Variants in DCT observed in about 807,000 individuals in gnomAD.
The protein encoded by DCT is L-dopachrome tautomerase.
In DCT, 47 loss-of-function variants were observed where a neutral mutation model predicts 53.0. That is an observed-to-expected ratio of 0.89 (90% CI 0.70 to 1.13). The LOEUF (loss-of-function observed/expected upper bound fraction) is 1.13. Ranked by LOEUF, DCT falls within the 50% of genes most tolerant of loss-of-function variation. The pLI is 0.00. For synonymous variants in DCT, 244 were observed against 237.0 expected, an observed-to-expected ratio of 1.03 and a Z score of -0.27; for missense variants, 669 against 637.4, an observed-to-expected ratio of 1.05 and a Z score of -0.53.
At chr13:94,498,703 G>A in the DCT span, among the ~76,000 whole-genome samples, 1,868 of 152,316 alleles carry the variant, frequency 0.012, 43 homozygotes, top group African/African-American at 0.042. Flanking sequence ...GAAGCCAACT[G>A]GACTTCCTGG....
intron 6 of DCT, among the ~76,000 whole-genome samples, chr13:94,446,219 T>G (rs546874370): frequency 9.2e-5 from 14 of 152,306 alleles, no homozygotes; most frequent in Non-Finnish European, 1.5e-4. Context: ...GTAGGGAAGA[T>G]AATATATATT....
In DCT at chr13:94,460,111, C is replaced by A. The variant is rs376196399; in HGVS notation, c.1159G>T (p.Ala387Ser). The A allele has an allele frequency of 1.2e-6, 2 of 1,613,786 alleles. No individual in the cohort carries two copies. The highest frequency in any genetic ancestry group is 1.3e-5 in the African/African-American group (1 of 74,894). ...CATACCACAAAAATGGGATCATTGGCGGCTGAATGTGGCAAAGCGTTTGTC... is the reference window on the plus strand; with the variant it reads ...CATACCACAAAAATGGGATCATTGGAGGCTGAATGTGGCAAAGCGTTTGTC... Reference protein sequence around the residue: ...NGTNALPHSAANDPIFVVLHS... With the variant: ...NGTNALPHSASNDPIFVVLHS... Residue 387 changes from alanine to serine, a missense_variant, in exon 6 of 8, where the codon GCC becomes TCC. Ala to Ser is a moderately conservative substitution (Grantham distance 99). Coordinates refer to ENST00000377028, the MANE Select transcript of DCT (RefSeq NM_001922.5).
chr13:94,481,791 C>T (rs185742860), upstream of DCT, among the ~76,000 whole-genome samples: 3 of 152,318 alleles, frequency 2.0e-5, no homozygotes, highest in East Asian at 5.8e-4. Context: ...AGAACTTTTG[C>T]TCTCTCCTCC....
chr13:94,510,395 C>A, the DCT span, among the ~76,000 whole-genome samples: 98 of 139,316 alleles, frequency 7.0e-4, 1 homozygote, highest in Admixed American at 1.3e-3. Context: ...CCACATAAGA[C>A]AATTAAGCAC....
chr13:94,446,327 G>T (rs1454778334), intron 6 of DCT, among the ~76,000 whole-genome samples: 2 of 152,078 alleles, frequency 1.3e-5, no homozygotes, highest in Admixed American at 6.6e-5. Context: ...TTTTAACTTG[G>T]GACAAGGACT....
Position 94,465,752 on chromosome 13 carries a change from G to A in DCT, c.744C>T (p.Ala248=). The A allele has an allele frequency of 6.2e-7, 1 of 1,612,318 alleles. No homozygotes were observed. The highest frequency in any genetic ancestry group is 8.5e-7 in the Non-Finnish European group (1 of 1,179,256). ...ACACATCACACTCGTTCCTCCCAGTGGCAAAGTTCCAGTAGGGCAAAGCAA... is the reference window on the plus strand; with the variant it reads ...ACACATCACACTCGTTCCTCCCAGTAGCAAAGTTCCAGTAGGGCAAAGCAA... ...ESFALPYWNF[A]TGRNECDVCT... is the part of the protein sequence containing the mutation. The change falls in exon 4 of 8, where the codon GCC becomes GCT. Residue 248 remains alanine (A), a synonymous_variant. Coordinates refer to ENST00000377028, the MANE Select transcript of DCT (RefSeq NM_001922.5).
At position 94,462,003 on chromosome 13, in the gene DCT, C is replaced by A; in HGVS notation, c.1043+7G>T. On this transcript the variant is annotated splice_region_variant and intron_variant, in intron 5 of 7. Coordinates refer to ENST00000377028, the MANE Select transcript of DCT (RefSeq NM_001922.5). The stretch of plus-strand genomic sequence containing the variant: ...CAGGCAGGTCCAGCAGAGCTCAGAG[C>A]ACCCACCTGAAACTGAAGGTAGAGT... 6.2e-7 allele frequency: 1 copy of A among 1,612,020 alleles called. No homozygotes were observed. The highest frequency in any genetic ancestry group is 1.1e-5 in the South Asian group (1 of 90,926).
At chr13:94,486,826 G>C in the DCT span, among the ~76,000 whole-genome samples, 1 of 152,092 alleles carries the variant, frequency 6.6e-6, no homozygotes, top group African/African-American at 2.4e-5. Flanking sequence ...ATGTTCCTGG[G>C]TTCTGGGATT....
chr13:94,480,376 G>A (rs544517683), upstream of DCT, among the ~76,000 whole-genome samples: 1 of 152,210 alleles, frequency 6.6e-6, no homozygotes, highest in African/African-American at 2.4e-5. Flanking sequence ...GAATGGTCAG[G>A]TCAGCAATGG....
chr13:94,497,518 A>C, the DCT span, among the ~76,000 whole-genome samples: 2 of 152,230 alleles, frequency 1.3e-5, no homozygotes, highest in Non-Finnish European at 2.9e-5. Context: ...CAATAACATA[A>C]ATAGTCAATG....
the DCT span, among the ~76,000 whole-genome samples, chr13:94,541,674 G>T: frequency 6.6e-6 from 1 of 152,060 alleles, no homozygotes; most frequent in Non-Finnish European, 1.5e-5. Context: ...TTCGAGGAGT[G>T]GATTTGGAAT....
chr13:94,510,124 T>A, the DCT span, among the ~76,000 whole-genome samples: 1 of 151,766 alleles, frequency 6.6e-6, no homozygotes, highest in Non-Finnish European at 1.5e-5. Flanking sequence ...CCTCAATCTC[T>A]TTTCCAGTTT....
chr13:94,495,641 T>C, the DCT span, among the ~76,000 whole-genome samples: 3 of 152,236 alleles, frequency 2.0e-5, no homozygotes, highest in East Asian at 5.8e-4. Context: ...GCTACCTTTT[T>C]GGAAGATGTC....
chr13:94,526,604 C>T, the DCT span, among the ~76,000 whole-genome samples: 1 of 152,100 alleles, frequency 6.6e-6, no homozygotes, highest in African/African-American at 2.4e-5. Flanking sequence ...CACCCTGGCC[C>T]AGGTAACAGA....
At chr13:94,472,558 ATATATATATATTTTTTTTTTTTTTT>A (rs1884792304) in intron 1 of DCT, among the ~76,000 whole-genome samples, 1 of 24,392 alleles carries the variant, frequency 4.1e-5, no homozygotes, top group Non-Finnish European at 6.4e-5. Flanking sequence ...ATATATATAT[ATATATATATATTTTTTTTTTTTTTT>A]TTTTTTTTTT....
the DCT span, among the ~76,000 whole-genome samples, chr13:94,490,408 G>A: frequency 1.3e-5 from 2 of 148,276 alleles, no homozygotes; most frequent in Non-Finnish European, 3.0e-5. Flanking sequence ...ATGAGGCTGA[G>A]GCAGGAGAAC....
chr13:94,451,456 G>A (rs1440072582), intron 6 of DCT, among the ~76,000 whole-genome samples: 1 of 152,170 alleles, frequency 6.6e-6, no homozygotes, highest in East Asian at 1.9e-4. Context: ...GATTGAACAC[G>A]GGGAGATTTT....
chr13:94,495,983 G>A, the DCT span, among the ~76,000 whole-genome samples: 14 of 152,202 alleles, frequency 9.2e-5, no homozygotes, highest in African/African-American at 3.1e-4. Context: ...AAGGAACAAC[G>A]CGCCTCTGAT....
the DCT span, among the ~76,000 whole-genome samples, chr13:94,538,958 G>A: frequency 6.6e-6 from 1 of 152,040 alleles, no homozygotes; most frequent in African/African-American, 2.4e-5. Flanking sequence ...GCTTCTAGGG[G>A]TTATCAGCCC....
Sources: allele counts gnomAD v4.1 joint callset (sites outside exome capture counted in the v4.1 genomes callset), GRCh38; gene constraint gnomAD v4.1.1; transcripts MANE v1.5; gene names NCBI Gene and HGNC (gene_info 2026-07-23, HGNC 2026-07-21).